The following MCU variants were observed in gnomAD, a reference collection of about 807,000 sequenced individuals.
MCU encodes the protein mitochondrial calcium uniporter.
MCU carries 12 observed loss-of-function variants against 45.2 expected under a neutral mutation model. The ratio of observed to expected loss-of-function variants is 0.27; its 90% CI spans 0.17 to 0.43. The LOEUF (loss-of-function observed/expected upper bound fraction) is 0.43. Ranked by LOEUF, MCU falls within the 20% of genes least tolerant of loss-of-function variation. The probability of loss-of-function intolerance (pLI) is 1.00; values close to 1 mark genes in which losing one functional copy is unlikely to be tolerated. For missense variants in MCU, 324 were observed against 436.7 expected (o/e 0.74, Z 2.30); for synonymous variants, 160 against 165.1 (o/e 0.97, Z 0.24).
chr10:72,843,208 G>T (rs10823944), intron 2 of MCU, among the ~76,000 whole-genome samples: 1 of 151,882 alleles, frequency 6.6e-6, no homozygotes, highest in South Asian at 2.1e-4. Context: ...TTTACATCCT[G>T]TGGGTTTTGG....
chr10:72,716,433 T>A (rs1044435860), intron 1 of MCU, among the ~76,000 whole-genome samples: 2 of 152,256 alleles, frequency 1.3e-5, no homozygotes, highest in African/African-American at 4.8e-5. Flanking sequence ...AATGGAAAGC[T>A]GTAATGGCAG....
chr10:72,870,796 A>C (rs1018113752), intron 5 of MCU, among the ~76,000 whole-genome samples: 3 of 152,160 alleles, frequency 2.0e-5, no homozygotes, highest in Non-Finnish European at 4.4e-5. Context: ...AGAGAAGATA[A>C]TCTTGTGACT....
At chr10:72,821,623 T>C (rs1844713306) in intron 1 of MCU, among the ~76,000 whole-genome samples, 1 of 152,138 alleles carries the variant, frequency 6.6e-6, no homozygotes, top group African/African-American at 2.4e-5. Context: ...ATATTATATT[T>C]AGAAAGTTCC....
intron 1 of MCU, among the ~76,000 whole-genome samples, chr10:72,743,380 T>C (rs1485003040): frequency 1.7e-5 from 2 of 116,426 alleles, no homozygotes; most frequent in Non-Finnish European, 3.2e-5. Context: ...GCCACTACAC[T>C]CCAGCCTGCA....
chr10:72,742,405 G>A (rs1843348010), intron 1 of MCU, among the ~76,000 whole-genome samples: 2 of 152,142 alleles, frequency 1.3e-5, no homozygotes, highest in Admixed American at 1.3e-4. Context: ...TTTCAGACTT[G>A]CAATTCTATT....
At chr10:72,839,200 C>T (rs531753190) in intron 2 of MCU, among the ~76,000 whole-genome samples, 1 of 152,076 alleles carries the variant, frequency 6.6e-6, no homozygotes, top group East Asian at 1.9e-4. Flanking sequence ...ATGTTGGCCA[C>T]GCTGGTCTCG....
chr10:72,839,718 C>T (rs1376535087), intron 2 of MCU, among the ~76,000 whole-genome samples: 1 of 151,224 alleles, frequency 6.6e-6, no homozygotes, highest in Non-Finnish European at 1.5e-5. Context: ...CTTTGGGAGG[C>T]TGAGGCGGGC....
At chr10:72,719,946 A>G (rs953926632) in intron 1 of MCU, among the ~76,000 whole-genome samples, 2 of 152,204 alleles carry the variant, frequency 1.3e-5, no homozygotes, top group East Asian at 3.8e-4. Flanking sequence ...CGTGTGGCAC[A>G]GGCTGGTCTT....
intron 2 of MCU, among the ~76,000 whole-genome samples, chr10:72,842,864 AAAT>A (rs1253375550): frequency 4.7e-5 from 7 of 149,856 alleles, no homozygotes; most frequent in Admixed American, 1.3e-4. Context: ...ATTATAAATA[AAAT>A]AATTTATTTT....
At position 72,785,847 on chromosome 10, in the gene MCU, T is replaced by C. The variant is rs555224729; in HGVS notation, c.151-48512T>C. 3.0e-4 allele frequency among the ~76,000 whole-genome samples: 46 copies of C among 152,300 alleles called. 1 individual carries two copies. The South Asian group carries it at 9.5e-3, about 32-fold the overall frequency. On this transcript the variant is annotated intron_variant, in intron 1 of 7. Coordinates refer to ENST00000373053, the MANE Select transcript of MCU (RefSeq NM_138357.3). ...GAAGAAAATCCTTTTGGAAAGGAGATTTTTATAGAAATCAAAGGAGTATTG... is the reference window on the plus strand; with the variant it reads ...GAAGAAAATCCTTTTGGAAAGGAGACTTTTATAGAAATCAAAGGAGTATTG...
At chr10:72,746,020 A>G (rs553916926) in intron 1 of MCU, among the ~76,000 whole-genome samples, 9 of 152,322 alleles carry the variant, frequency 5.9e-5, no homozygotes, top group African/African-American at 2.2e-4. Context: ...AGGGCATCCC[A>G]GCTTTTCCTG....
At chr10:72,707,496 C>G (rs1842838373) in intron 1 of MCU, among the ~76,000 whole-genome samples, 1 of 152,132 alleles carries the variant, frequency 6.6e-6, no homozygotes, top group Non-Finnish European at 1.5e-5. Flanking sequence ...CTGCACCTGA[C>G]TCGCCTTTTG....
rs145847716 is a variant in MCU at position 72,805,374 on chromosome 10, G to A, written c.151-28985G>A. On this transcript the variant is annotated intron_variant, in intron 1 of 7. Transcript: ENST00000373053. ...AGTGATTCTCATGCCTCAGCCTCCC[G>A]TGTAGCTGGGACTACAGGTGCCTGC... Among the ~76,000 whole-genome samples the A allele has an allele frequency of 3.1e-3, 461 of 150,786 alleles. 5 individuals carry two copies. Among genetic ancestry groups the A allele is most frequent in the African/African-American group, 0.01 (429 of 41,020 alleles).
At chr10:72,861,337 T>C (rs1182277038) in intron 4 of MCU, among the ~76,000 whole-genome samples, 2 of 152,068 alleles carry the variant, frequency 1.3e-5, no homozygotes, top group Non-Finnish European at 2.9e-5. Context: ...GTATATGCTT[T>C]TATGGGAAAA....
intron 3 of MCU, 29 bp from the exon 4 acceptor site, chr10:72,860,394 A>C (rs1286330944): frequency 2.5e-6 from 4 of 1,569,584 alleles, no homozygotes; most frequent in Non-Finnish European, 3.5e-6. Context: ...TTATGGACCT[A>C]TGACAAGTTT....
At chr10:72,706,689 A>G (rs1381234793) in intron 1 of MCU, among the ~76,000 whole-genome samples, 1 of 151,220 alleles carries the variant, frequency 6.6e-6, no homozygotes, top group East Asian at 1.9e-4. Flanking sequence ...GGCGTGCGCC[A>G]CCACATCCAG....
At chr10:72,848,447 C>CCGTTTTTGG (rs1845155025) in intron 2 of MCU, among the ~76,000 whole-genome samples, 1 of 146,500 alleles carries the variant, frequency 6.8e-6, no homozygotes, top group Admixed American at 6.6e-5. Context: ...CTTGAACTCA[C>CCGTTTTTGG]CGTTTTTGGG....
At chr10:72,838,965 A>G (rs1330069025) in intron 2 of MCU, among the ~76,000 whole-genome samples, 1 of 150,300 alleles carries the variant, frequency 6.7e-6, no homozygotes, top group East Asian at 1.9e-4. Context: ...TTTACCCATC[A>G]TTGTACATCT....
intron 1 of MCU, among the ~76,000 whole-genome samples, chr10:72,801,827 A>C (rs1308605848): frequency 1.3e-5 from 2 of 151,426 alleles, no homozygotes; most frequent in Middle Eastern, 3.2e-3. Context: ...ACACACCACT[A>C]TGCCTGGCTA....
Sources: allele counts gnomAD v4.1 joint callset (sites outside exome capture counted in the v4.1 genomes callset), GRCh38; gene constraint gnomAD v4.1.1; transcripts MANE v1.5; gene names NCBI Gene and HGNC (gene_info 2026-07-23, HGNC 2026-07-21).